Variants in IL26 observed in about 807,000 individuals in gnomAD.
IL26 encodes the protein interleukin-26.
A neutral mutation model predicts 21.7 loss-of-function variants in IL26; 23 were observed. The ratio of observed to expected loss-of-function variants is 1.06; its 90% CI spans 0.76 to 1.50. IL26 has a LOEUF of 1.50. Among genes scored for constraint, IL26 ranks in the 40% most tolerant of loss-of-function variants. IL26 has a pLI of 0.00. For missense variants in IL26, 204 were observed against 196.0 expected (o/e 1.04, Z -0.24); for synonymous variants, 63 against 67.8 (o/e 0.93, Z 0.34).
At chr12:68,207,022 A>G (rs1022512381) in intron 3 of IL26, among the ~76,000 whole-genome samples, 1 of 152,208 alleles carries the variant, frequency 6.6e-6, no homozygotes, top group South Asian at 2.1e-4. Context: ...TTCTTGAATC[A>G]TATCAGGGTC....
intron 3 of IL26, among the ~76,000 whole-genome samples, chr12:68,219,694 A>G (rs1184476521): frequency 1.3e-5 from 2 of 151,924 alleles, no homozygotes; most frequent in Non-Finnish European, 2.9e-5. Context: ...TAAATTTAAT[A>G]GAAGAAAATG....
chr12:68,211,911 G>C (rs11570944), intron 3 of IL26, among the ~76,000 whole-genome samples: 15,448 of 151,276 alleles, frequency 0.1, 873 homozygotes, highest in Admixed American at 0.12. Flanking sequence ...TTTTTCTTTG[G>C]TTGTCTGTAC....
chr12:68,209,304 C>T (rs1267725393), intron 3 of IL26, among the ~76,000 whole-genome samples: 1 of 152,078 alleles, frequency 6.6e-6, no homozygotes, highest in African/African-American at 2.4e-5. Flanking sequence ...TCTGGAAGCC[C>T]AGACTATTTA....
chr12:68,205,607 G>A (rs1401413092), intron 3 of IL26, among the ~76,000 whole-genome samples: 1 of 152,154 alleles, frequency 6.6e-6, no homozygotes, highest in Non-Finnish European at 1.5e-5. Context: ...AGTTGGTCTT[G>A]CCATCTCAGG....
chr12:68,213,013 T>C (rs1379774647), intron 3 of IL26, among the ~76,000 whole-genome samples: 1 of 152,092 alleles, frequency 6.6e-6, no homozygotes, highest in Non-Finnish European at 1.5e-5. Flanking sequence ...TTCAGTGTGA[T>C]GTTAGCTCAT....
chr12:68,223,702 C>T (rs1040774663), intron 3 of IL26, among the ~76,000 whole-genome samples: 1 of 152,070 alleles, frequency 6.6e-6, no homozygotes, highest in Non-Finnish European at 1.5e-5. Flanking sequence ...ATTTCAGGCA[C>T]CAGAACTGGC....
chr12:68,203,549 G>C (rs1004866244), intron 3 of IL26, among the ~76,000 whole-genome samples: 1 of 152,158 alleles, frequency 6.6e-6, no homozygotes, highest in East Asian at 1.9e-4. Flanking sequence ...CTCGTGAAAC[G>C]GAAGTGGGTA....
intron 3 of IL26, among the ~76,000 whole-genome samples, chr12:68,215,227 C>A (rs1024867223): frequency 6.6e-6 from 1 of 152,128 alleles, no homozygotes; most frequent in African/African-American, 2.4e-5. Flanking sequence ...CCCAGGAGCT[C>A]AAGATGATGG....
chr12:68,213,684 C>A (rs1868796173), intron 3 of IL26, among the ~76,000 whole-genome samples: 1 of 151,942 alleles, frequency 6.6e-6, no homozygotes, highest in African/African-American at 2.4e-5. Flanking sequence ...TTCTGTAATT[C>A]TGTAATAGTT....
chr12:68,203,358 T>TA (rs907521132), intron 3 of IL26, among the ~76,000 whole-genome samples: 3 of 152,248 alleles, frequency 2.0e-5, no homozygotes, highest in African/African-American at 7.2e-5. Flanking sequence ...ACTTAGTTTT[T>TA]ACTCATAAAA....
chr12:68,205,553 C>T lies in IL26; in HGVS notation c.364-3470G>A, dbSNP rs769441043. On this transcript the variant is annotated intron_variant, in intron 3 of 4. Transcript: ENST00000229134. ...ATCATCATAAATGTCTTCATCCTTGCCATCTTCATGTTCAGCAAACTAAGG... is the reference window on the plus strand; with the variant it reads ...ATCATCATAAATGTCTTCATCCTTGTCATCTTCATGTTCAGCAAACTAAGG... 1.1e-4 allele frequency among the ~76,000 whole-genome samples: 17 copies of T among 152,046 alleles called. 1 individual carries two copies. Among genetic ancestry groups the T allele is most frequent in the Admixed American group, 6.5e-4 (10 of 15,270 alleles).
Position 68,225,262 on chromosome 12 carries a change from GT to G in IL26, c.249del (p.Glu83AspfsTer36). The part of the protein sequence containing the change: ...KQFMKNCQFQ[E>X]QLLSFFMEDV... ...TCTTCCATGAAGAAGGACAGAAGCTGTTCTTGAAATTGACAGTTTTTCTAAA... is the reference window on the plus strand; with the variant it reads ...TCTTCCATGAAGAAGGACAGAAGCTGTCTTGAAATTGACAGTTTTTCTAAA... On this transcript the variant is annotated frameshift_variant, in exon 3 of 5. Coordinates refer to ENST00000229134, the MANE Select transcript of IL26 (RefSeq NM_018402.2). LOFTEE classifies it high-confidence loss of function. The G allele has an allele frequency of 6.2e-7, 1 of 1,605,006 alleles. No homozygotes were observed. The highest frequency in any genetic ancestry group is 8.5e-7 in the Non-Finnish European group (1 of 1,177,430).
At chr12:68,213,264 T>C (rs1281565013) in intron 3 of IL26, among the ~76,000 whole-genome samples, 1 of 152,070 alleles carries the variant, frequency 6.6e-6, no homozygotes, top group African/African-American at 2.4e-5. Context: ...CAATGTGTTG[T>C]TGAATTTGGT....
At chr12:68,206,526 A>G (rs937124409) in intron 3 of IL26, among the ~76,000 whole-genome samples, 21 of 152,216 alleles carry the variant, frequency 1.4e-4, no homozygotes, top group African/African-American at 4.8e-4. Context: ...CAATCCATAA[A>G]AAAATGTTCT....
At position 68,201,854 on chromosome 12, in the gene IL26, G is replaced by A. The variant is rs773640932; in HGVS notation, c.507C>T (p.Ser169=). ...LLSWIKKLLE[S]SQ is the part of the protein sequence containing the mutation. ...TGTACTTGGCTTTGGTTTACTGACT[G>A]CTTTCCAATAATTTTTTAATCCAGG... The change falls in exon 5 of 5, where the codon AGC becomes AGT. Residue 169 remains serine (S), a synonymous_variant. Transcript: ENST00000229134. The A allele has an allele frequency of 1.9e-6, 3 of 1,589,612 alleles. No individual in the cohort carries two copies. Among genetic ancestry groups the A allele is most frequent in the Admixed American group, 1.9e-5 (1 of 53,862 alleles).
intron 3 of IL26, among the ~76,000 whole-genome samples, chr12:68,217,065 A>T (rs1409045215): frequency 8.4e-5 from 7 of 83,700 alleles, no homozygotes; most frequent in Admixed American, 5.2e-4. Context: ...AAGAGTATAA[A>T]CATAAAGAAG....
chr12:68,223,173 ACC>A (rs907896825), intron 3 of IL26, among the ~76,000 whole-genome samples: 1 of 152,100 alleles, frequency 6.6e-6, no homozygotes, highest in Non-Finnish European at 1.5e-5. Context: ...AGCTTGCTTT[ACC>A]CCAGGGCATA....
At chr12:68,223,874 A>C (rs962433347) in intron 3 of IL26, among the ~76,000 whole-genome samples, 56 of 132,994 alleles carry the variant, frequency 4.2e-4, no homozygotes, top group Middle Eastern at 4.2e-3. Context: ...TAGAGAACTT[A>C]AATTTGGTGG....
chr12:68,212,761 A>T (rs1422252400), intron 3 of IL26, among the ~76,000 whole-genome samples: 1 of 152,002 alleles, frequency 6.6e-6, no homozygotes, highest in African/African-American at 2.4e-5. Context: ...AAATTTACGG[A>T]ATTTTTTTTA....
Sources: gnomAD v4.1 joint callset for allele counts (sites outside exome capture counted in the v4.1 genomes callset) on GRCh38, gnomAD v4.1.1 for gene constraint, MANE v1.5 for transcripts, NCBI Gene and HGNC (gene_info 2026-07-23, HGNC 2026-07-21) for gene names.